IFT81: variants seen among roughly 807,000 people sequenced by gnomAD.
The protein encoded by IFT81 is intraflagellar transport 81.
In IFT81, 72 loss-of-function variants were observed where a neutral mutation model predicts 102.6. That is an observed-to-expected ratio of 0.70 (90% confidence interval 0.58 to 0.85). The LOEUF (loss-of-function observed/expected upper bound fraction) is 0.85, where lower values mean the gene tolerates loss of function less well. Among genes scored for constraint, IFT81 ranks in the 40% least tolerant of loss-of-function variants. The pLI is 0.00. For missense variants in IFT81, 723 were observed against 787.3 expected (o/e 0.92, Z 0.98); for synonymous variants, 237 against 242.7 (o/e 0.98, Z 0.22).
At chr12:110,179,478 T>C (rs1468577546) in intron 11 of IFT81, among the ~76,000 whole-genome samples, 3 of 151,688 alleles carry the variant, frequency 2.0e-5, no homozygotes, top group African/African-American at 7.3e-5. Flanking sequence ...TCCCAGCACT[T>C]TGGGAGGCCA....
At chr12:110,194,785 T>A (rs1230307342) in intron 14 of IFT81, among the ~76,000 whole-genome samples, 1 of 152,236 alleles carries the variant, frequency 6.6e-6, no homozygotes, top group African/African-American at 2.4e-5. Flanking sequence ...AGAAATTTTC[T>A]GATAATTAAT....
At chr12:110,135,738 A>T (rs1259157483) in intron 7 of IFT81, among the ~76,000 whole-genome samples, 1 of 151,942 alleles carries the variant, frequency 6.6e-6, no homozygotes, top group Non-Finnish European at 1.5e-5. Flanking sequence ...ATGGTGGCAC[A>T]TGCCTGTAGT....
Position 110,146,502 on chromosome 12 carries a change from T to C in IFT81, c.946-451T>C, listed in dbSNP as rs1167145585. Among the ~76,000 whole-genome samples, 6 of 152,358 alleles carry C rather than the reference T, an allele frequency of 3.9e-5. No individual in the cohort carries two copies. The East Asian group carries it at 1.2e-3, about 29-fold the overall frequency. On this transcript the variant is annotated intron_variant, in intron 9 of 18. Coordinates refer to ENST00000242591, the MANE Select transcript of IFT81 (RefSeq NM_014055.4). ...AAGCATCTTTGTGGTAATGTATAAA[T>C]ATTTCATGTAAAATACTTTAGGATA...
At chr12:110,152,246 G>A (rs564687374) in intron 10 of IFT81, among the ~76,000 whole-genome samples, 21 of 152,126 alleles carry the variant, frequency 1.4e-4, no homozygotes, top group African/African-American at 3.6e-4. Flanking sequence ...TTCTATAATG[G>A]CTATACTAAT....
At chr12:110,154,100 A>G (rs1349102265) in intron 10 of IFT81, among the ~76,000 whole-genome samples, 1 of 151,996 alleles carries the variant, frequency 6.6e-6, no homozygotes, top group Non-Finnish European at 1.5e-5. Flanking sequence ...TCTCTGCCTC[A>G]GCCTTCCAAG....
At position 110,136,830 on chromosome 12, in the gene IFT81, C is replaced by T. The variant is rs146931939; in HGVS notation, c.751C>T (p.Arg251Cys). ...AGTACAAAACCAGCTGAAAAGCATG[C>T]GCCAAGCTGCAGCAGATGCAAAGCC... ...QRVQNQLKSM[R>C]QAAADAKPES... The change falls in exon 8 of 19, where the codon CGC (arginine) becomes TGC (cysteine). Residue 251 changes from arginine to cysteine, a missense_variant. Coordinates refer to ENST00000242591, the MANE Select transcript of IFT81 (RefSeq NM_014055.4). The T allele has an allele frequency of 8.1e-6, 13 of 1,611,262 alleles. No homozygotes were observed. In the East Asian group the frequency reaches 8.9e-5, roughly 11 times the overall value.
chr12:110,186,747 T>C (rs936556127), intron 12 of IFT81, among the ~76,000 whole-genome samples: 9 of 152,132 alleles, frequency 5.9e-5, no homozygotes, highest in African/African-American at 2.2e-4. Context: ...CCCAGGCTGG[T>C]CTTGAACTCC....
chr12:110,140,035 C>A lies in IFT81; in HGVS notation c.781+3175C>A, dbSNP rs192168595. Among the ~76,000 whole-genome samples the A allele has an allele frequency of 3.6e-3, 541 of 151,898 alleles. 1 individual carries two copies. The highest frequency in any genetic ancestry group is 0.012 in the African/African-American group (517 of 41,502). ...GAGCTATGATTGTGCCACTGCACTC[C>A]AGCCTAGGTGACAGAGTAAGACTTT... On this transcript the variant is annotated intron_variant, in intron 8 of 18. Coordinates refer to ENST00000242591, the MANE Select transcript of IFT81 (RefSeq NM_014055.4).
chr12:110,218,178 C>G lies in IFT81; in HGVS notation c.1983C>G (p.Ser661=). 6.3e-7 allele frequency: 1 copy of G among 1,584,030 alleles called. No individual in the cohort carries two copies. The highest frequency in any genetic ancestry group is 1.7e-4 in the Middle Eastern group (1 of 5,876). The change falls in exon 19 of 19, where the codon TCC becomes TCG. Residue 661 remains serine (S), a synonymous_variant. Coordinates refer to ENST00000242591, the MANE Select transcript of IFT81 (RefSeq NM_014055.4). The stretch of plus-strand genomic sequence containing the variant: ...TTCTGAAACAACAAAGCCAAACTTC[C>G]ATTGGTCAGGTAATTCAGGAGGGTG... ...QCFLKQQSQT[S]IGQVIQEGGE...
At chr12:110,174,103 C>T (rs1457901144) in intron 11 of IFT81, among the ~76,000 whole-genome samples, 4 of 151,436 alleles carry the variant, frequency 2.6e-5, no homozygotes, top group Admixed American at 2.6e-4. Flanking sequence ...CAGTGAAACC[C>T]CATCTCTACT....
Position 110,218,080 on chromosome 12 carries a change from C to A in IFT81, c.1885C>A (p.His629Asn). Residue 629 changes from histidine (H) to asparagine (N), a missense_variant, in exon 19 of 19, where the codon CAT (histidine) becomes AAT (asparagine). Transcript: ENST00000242591. ...AAAACAAAAAGTTATACGAGAAAGT[C>A]ATGGTCCAAATATGAAACAAGCAAA... is the stretch of plus-strand genomic sequence containing the variant. ...REKQKVIRES[H>N]GPNMKQAKMW... 1 of 1,603,822 alleles carries A rather than the reference C, an allele frequency of 6.2e-7. No individual in the cohort carries two copies. The highest frequency in any genetic ancestry group is 1.1e-5 in the South Asian group (1 of 88,380).
At chr12:110,186,825 G>A (rs1395542878) in intron 12 of IFT81, among the ~76,000 whole-genome samples, 1 of 152,176 alleles carries the variant, frequency 6.6e-6, no homozygotes, top group East Asian at 1.9e-4. Context: ...ACCACGCCCA[G>A]CCCAGTATTT....
intron 11 of IFT81, 30 bp downstream of exon 11, chr12:110,163,095 T>G (rs753993838): frequency 6.3e-7 from 1 of 1,587,902 alleles, no homozygotes; most frequent in Middle Eastern, 1.7e-4. Flanking sequence ...GGGACAAGGG[T>G]ATGAGTATTG....
chr12:110,192,974 G>A (rs1897861109), intron 14 of IFT81, among the ~76,000 whole-genome samples: 2 of 152,224 alleles, frequency 1.3e-5, no homozygotes, highest in African/African-American at 2.4e-5. Flanking sequence ...AGACCAGCCT[G>A]TCTAACAACA....
At chr12:110,209,687 T>C (rs1271354646) in intron 18 of IFT81, among the ~76,000 whole-genome samples, 2 of 150,014 alleles carry the variant, frequency 1.3e-5, no homozygotes, top group East Asian at 3.9e-4. Context: ...GAGAATCACT[T>C]GAACCAGGGA....
At chr12:110,165,130 C>A (rs1028508925) in intron 11 of IFT81, among the ~76,000 whole-genome samples, 6 of 151,204 alleles carry the variant, frequency 4.0e-5, no homozygotes, top group Non-Finnish European at 7.4e-5. Flanking sequence ...AAAAAGATGT[C>A]ATCATTTGGA....
chr12:110,174,121 CA>C, intron 11 of IFT81, among the ~76,000 whole-genome samples: 1 of 151,028 alleles, frequency 6.6e-6, no homozygotes, highest in Non-Finnish European at 1.5e-5. Flanking sequence ...ACTAAAAATA[CA>C]AAAAAATTAG....
intron 11 of IFT81, chr12:110,167,847 CT>C (rs746060315): frequency 0.062 from 14,078 of 226,096 alleles, 5 homozygotes; most frequent in South Asian, 0.12. Flanking sequence ...ATTTAGGTTT[CT>C]TTTTTTTTTT....
chr12:110,197,538 T>C (rs1898064932), intron 14 of IFT81, among the ~76,000 whole-genome samples: 1 of 142,488 alleles, frequency 7.0e-6, no homozygotes, highest in Non-Finnish European at 1.5e-5. Context: ...TGATATTATT[T>C]ATTCTTAGGT....
Sources: gnomAD v4.1 joint callset for allele counts (sites outside exome capture counted in the v4.1 genomes callset) on GRCh38, gnomAD v4.1.1 for gene constraint, MANE v1.5 for transcripts, NCBI Gene and HGNC (gene_info 2026-07-23, HGNC 2026-07-21) for gene names.